Variants in SMIM35 observed in about 807,000 individuals in gnomAD.
SMIM35 encodes TMPRSS4 antisense RNA 1 (non-protein coding).
intron 1 of SMIM35, among the ~76,000 whole-genome samples, chr11:118,071,685 GCT>G (rs1286600660): frequency 6.6e-6 from 1 of 152,184 alleles, no homozygotes; most frequent in East Asian, 1.9e-4. Context: ...GGCTCTGCTG[GCT>G]GGAAGGAACC....
chr11:118,038,343 A>G (rs1943944042), intron 1 of SMIM35, among the ~76,000 whole-genome samples: 1 of 152,106 alleles, frequency 6.6e-6, no homozygotes, highest in Non-Finnish European at 1.5e-5. Flanking sequence ...AGTCTTTGGG[A>G]AAGAATAACA....
At chr11:118,023,542 C>T (rs765508993) in intron 1 of SMIM35, among the ~76,000 whole-genome samples, 1 of 129,514 alleles carries the variant, frequency 7.7e-6, no homozygotes. Context: ...GTGTGATGTT[C>T]CCCTTCTTGT....
intron 1 of SMIM35, among the ~76,000 whole-genome samples, chr11:118,073,766 C>T (rs935393613): frequency 1.2e-4 from 19 of 152,246 alleles, no homozygotes; most frequent in Non-Finnish European, 2.6e-4. Context: ...TGGACACCAG[C>T]GAGTTCCCCT....
intron 1 of SMIM35, among the ~76,000 whole-genome samples, chr11:118,033,388 C>T (rs2058333835): frequency 6.6e-6 from 1 of 152,160 alleles, no homozygotes; most frequent in African/African-American, 2.4e-5. Flanking sequence ...GGTCAAAGTC[C>T]TTTGACAAGC....
At chr11:118,015,426 G>C (rs1402212074) in intron 2 of SMIM35, among the ~76,000 whole-genome samples, 2 of 152,162 alleles carry the variant, frequency 1.3e-5, no homozygotes, top group African/African-American at 4.8e-5. Flanking sequence ...CGCTGGCATG[G>C]ACGTCTATGG....
At chr11:118,027,059 C>T (rs529044046) in intron 1 of SMIM35, among the ~76,000 whole-genome samples, 2 of 115,676 alleles carry the variant, frequency 1.7e-5, no homozygotes, top group African/African-American at 6.7e-5. Context: ...CTCGCTCTGT[C>T]GCCCAGGCCG....
intron 1 of SMIM35, among the ~76,000 whole-genome samples, chr11:118,036,781 CTTTTT>C: frequency 6.6e-6 from 1 of 150,540 alleles, no homozygotes; most frequent in African/African-American, 2.5e-5. Flanking sequence ...TCTTTTTTTT[CTTTTT>C]GCAATTGCAA....
intron 1 of SMIM35, chr11:118,059,068 CG>C (rs1944358465): frequency 6.6e-6 from 1 of 152,290 alleles, no homozygotes; most frequent in Admixed American, 6.5e-5. Context: ...CCCACACTGG[CG>C]TCTGCACACA....
At chr11:118,062,623 T>C (rs147690770) in intron 1 of SMIM35, among the ~76,000 whole-genome samples, 3 of 152,254 alleles carry the variant, frequency 2.0e-5, no homozygotes, top group African/African-American at 7.2e-5. Context: ...GGACAAGGGC[T>C]TCATCCCTCC....
At chr11:118,063,501 T>C (rs1944423974) in intron 1 of SMIM35, among the ~76,000 whole-genome samples, 1 of 152,236 alleles carries the variant, frequency 6.6e-6, no homozygotes, top group Admixed American at 6.5e-5. Flanking sequence ...TTTCCTGGCA[T>C]ACAACTCCTA....
intron 1 of SMIM35, among the ~76,000 whole-genome samples, chr11:118,045,514 A>C (rs1285678570): frequency 6.6e-6 from 1 of 152,198 alleles, no homozygotes; most frequent in Non-Finnish European, 1.5e-5. Context: ...GTTTTGCCTT[A>C]GTATTAGCTT....
chr11:118,080,114 C>T (rs1945010482), intron 1 of SMIM35, among the ~76,000 whole-genome samples: 1 of 152,216 alleles, frequency 6.6e-6, no homozygotes, highest in South Asian at 2.1e-4. Context: ...CTAGGTTTCA[C>T]CCTGCAGGTG....
intron 2 of SMIM35, among the ~76,000 whole-genome samples, chr11:118,015,110 CA>C (rs2058172680): frequency 6.6e-6 from 1 of 152,240 alleles, no homozygotes; most frequent in African/African-American, 2.4e-5. Flanking sequence ...TGCATTGGCA[CA>C]TAGTAGGTGC....
intron 1 of SMIM35, among the ~76,000 whole-genome samples, chr11:118,073,821 G>A (rs1230245597): frequency 6.6e-6 from 1 of 152,258 alleles, no homozygotes; most frequent in East Asian, 1.9e-4. Flanking sequence ...ATGGGGTGGA[G>A]GAGGGTTAAA....
chr11:118,085,128 A>G (rs1813061671), intron 1 of SMIM35, among the ~76,000 whole-genome samples: 1 of 151,990 alleles, frequency 6.6e-6, no homozygotes, highest in African/African-American at 2.4e-5. Flanking sequence ...AGTCGCTTTT[A>G]TTGTACCCAC....
intron 1 of SMIM35, among the ~76,000 whole-genome samples, chr11:118,070,612 C>T (rs1944556044): frequency 6.6e-6 from 1 of 152,180 alleles, no homozygotes; most frequent in East Asian, 1.9e-4. Context: ...TGGGCTGCCC[C>T]AGGGTGAAAT....
chr11:118,014,946 C>T (rs770400223), intron 2 of SMIM35, among the ~76,000 whole-genome samples: 8 of 152,194 alleles, frequency 5.3e-5, no homozygotes, highest in Non-Finnish European at 1.2e-4. Context: ...GCAGTCCTAG[C>T]CTGGAGCCCA....
intron 1 of SMIM35, among the ~76,000 whole-genome samples, chr11:118,024,160 A>T (rs1265634504): frequency 3.9e-5 from 6 of 152,156 alleles, no homozygotes; most frequent in Non-Finnish European, 5.9e-5. Context: ...TATGGCCAAC[A>T]ATTTTCCAAT....
At chr11:118,076,876 T>C (rs1280787935) in intron 1 of SMIM35, 1 of 161,840 alleles carries the variant, frequency 6.2e-6, no homozygotes, top group African/African-American at 2.4e-5. Flanking sequence ...CAACACCCAG[T>C]TGGGTGGAAG....
Sources: allele counts gnomAD v4.1 joint callset (sites outside exome capture counted in the v4.1 genomes callset), GRCh38; gene constraint gnomAD v4.1.1; transcripts MANE v1.5; gene names NCBI Gene and HGNC (gene_info 2026-07-23, HGNC 2026-07-21).